Variants in AKTIP observed in about 807,000 individuals in gnomAD.
The protein encoded by AKTIP is AKT interacting protein.
Under a neutral mutation model 39.1 loss-of-function variants are expected in AKTIP, and 16 were observed. That is an observed-to-expected ratio of 0.41 (90% CI 0.28 to 0.62). The LOEUF (loss-of-function observed/expected upper bound fraction) is 0.62, where lower values mean the gene tolerates loss of function less well. AKTIP is among the 20% of genes least tolerant of loss of function. The probability of loss-of-function intolerance (pLI) is 0.32; values close to 1 mark genes in which losing one functional copy is unlikely to be tolerated. For missense variants in AKTIP, 262 were observed against 356.6 expected, an observed-to-expected ratio of 0.73 and a Z score of 2.14; for synonymous variants, 93 against 124.3, an observed-to-expected ratio of 0.75 and a Z score of 1.67.
In AKTIP at chr16:53,494,127, G is replaced by A. The variant is rs755412456; in HGVS notation, c.710+11C>T. The A allele has an allele frequency of 2.2e-5, 35 of 1,591,992 alleles. No homozygotes were observed. Among genetic ancestry groups the A allele is most frequent in the South Asian group, 1.8e-4 (16 of 90,662 alleles). ...ACAGTGGACAGTTCACTTGGGGGAT[G>A]CACCACTTACCTAATTGCATAGGGG... On this transcript the variant is annotated intron_variant, in intron 8 of 9. Coordinates refer to ENST00000394657, the MANE Select transcript of AKTIP (RefSeq NM_022476.4).
chr16:53,502,447 C>T (rs1440986840), intron 1 of AKTIP, among the ~76,000 whole-genome samples: 2 of 152,320 alleles, frequency 1.3e-5, no homozygotes, highest in Non-Finnish European at 2.9e-5. Context: ...AATGACAGTG[C>T]GTGGCAGAGC....
At chr16:53,497,843 G>A (rs763603930) in intron 3 of AKTIP, among the ~76,000 whole-genome samples, 31 of 152,172 alleles carry the variant, frequency 2.0e-4, no homozygotes, top group South Asian at 2.1e-4. Flanking sequence ...TCCACCTCCC[G>A]ACTTCAAGCA....
At position 53,502,474 on chromosome 16, in the gene AKTIP, CAT is replaced by C. The variant is rs1962226821; in HGVS notation, c.-71+671_-71+672del. Among the ~76,000 whole-genome samples, 3 of 152,200 alleles carry C rather than the reference CAT, an allele frequency of 2.0e-5. No individual in the cohort carries two copies. In the South Asian group the frequency reaches 6.2e-4, roughly 31 times the overall value. On this transcript the variant is annotated intron_variant, in intron 1 of 9. Coordinates refer to ENST00000394657, the MANE Select transcript of AKTIP (RefSeq NM_022476.4). The stretch of plus-strand genomic sequence containing the variant: ...TGGCAGAGCTAAAACTAGGCTAAAA[CAT>C]GAGTGCTGCTGTTACTCTACATGCC...
chr16:53,493,760 A>G (rs931470560), intron 8 of AKTIP: 3 of 213,768 alleles, frequency 1.4e-5, no homozygotes, highest in African/African-American at 6.9e-5. Flanking sequence ...CACCATTCTC[A>G]CACTATTCAG....
chr16:53,494,352 C>T lies in AKTIP; in HGVS notation c.589G>A (p.Glu197Lys), dbSNP rs1961693099. Residue 197 changes from glutamate to lysine, a missense_variant, in exon 7 of 10, where the codon GAG (glutamate) becomes AAG (lysine). Physicochemically the swap from Glu to Lys is moderately conservative, Grantham distance 56 (BLOSUM62 1). Around this residue, in one of 4 missense-constraint regions of AKTIP, gnomAD observed 145 missense variants for 159.3 expected, o/e 0.91. Coordinates refer to ENST00000394657, the MANE Select transcript of AKTIP (RefSeq NM_022476.4). ...KIDTASPLNP[E>K]AAVLYEKDIQ... Reference sequence around the variant, plus strand: ...AAAGTTACATACAGTACTGCAGCCTCTGGGTTCAGGGGGCTTGCTGTATCA... The same window carrying T: ...AAAGTTACATACAGTACTGCAGCCTTTGGGTTCAGGGGGCTTGCTGTATCA... 6.2e-7 allele frequency: 1 copy of T among 1,614,072 alleles called. No individual in the cohort carries two copies. The highest frequency in any genetic ancestry group is 1.3e-5 in the African/African-American group (1 of 74,934).
In AKTIP at chr16:53,492,497, T is replaced by C. The variant is rs1961547379; in HGVS notation, c.794A>G (p.Lys265Arg). 2 of 1,614,184 alleles carry C rather than the reference T, an allele frequency of 1.2e-6. No homozygotes were observed. The highest frequency in any genetic ancestry group is 1.1e-5 in the South Asian group (1 of 91,080). Reference sequence around the variant, plus strand: ...TGACAGGCCAGCAACATGAACACTTTTATTGTGCTGTTCTTCAGGCTTCTT... The same window carrying C: ...TGACAGGCCAGCAACATGAACACTTCTATTGTGCTGTTCTTCAGGCTTCTT... The part of the protein sequence containing the change: ...TQKKPEEQHN[K>R]SVHVAGLSWV... The change falls in exon 10 of 10, where the codon AAA (lysine) becomes AGA (arginine). Residue 265 changes from lysine (K) to arginine (R), a missense_variant. Lys to Arg is a conservative substitution (Grantham distance 26). This residue lies in a region of AKTIP where 145 missense variants were observed against 159.3 expected (regional missense o/e 0.91). Coordinates refer to ENST00000394657, the MANE Select transcript of AKTIP (RefSeq NM_022476.4).
rs1328166724 is a variant in AKTIP, at chr16:53,491,751, T to TATC, written c.*658_*660dup. On this transcript the variant is annotated 3_prime_UTR_variant, in exon 10 of 10. Transcript: ENST00000394657. ...GTCTCTACTAAACACATTAGTCATT[T>TATC]ATCATTTAAATACCGGACTTCATTA... The TATC allele has an allele frequency of 1.2e-4, 18 of 152,652 alleles. No individual in the cohort carries two copies. The highest frequency in any genetic ancestry group is 4.3e-4 in the African/African-American group (18 of 41,468). 9.5% of individuals were successfully genotyped at this position (152,652 alleles called of 1,614,324 possible).
rs1961582930 is a variant in AKTIP, at chr16:53,492,914, ACATAAC to A, written c.711-167_711-162del. ...TAGACATTATCTAATTAATTTTCTC[ACATAAC>A]TATCCCTCATACATGAATGATCTCA... is the stretch of plus-strand genomic sequence containing the variant. On this transcript the variant is annotated intron_variant, in intron 8 of 9. Transcript: ENST00000394657. 4 of 631,508 alleles carry A rather than the reference ACATAAC, an allele frequency of 6.3e-6. No homozygotes were observed. The African/African-American group carries it at 7.4e-5, about 12-fold the overall frequency. 39.1% of individuals were successfully genotyped at this position (631,508 alleles called of 1,614,324 possible). A position where few individuals can be genotyped will look rare whatever the true frequency, so the allele number is the denominator to read the frequency against.
intron 5 of AKTIP, 145 bp downstream of exon 5, chr16:53,494,928 T>C: frequency 1.2e-6 from 1 of 823,858 alleles, no homozygotes; most frequent in Non-Finnish European, 2.1e-6. Context: ...CGGAAGCTGC[T>C]GCAAAGCACA....
At chr16:53,499,239 C>T (rs371071129) in intron 2 of AKTIP, among the ~76,000 whole-genome samples, 3 of 152,346 alleles carry the variant, frequency 2.0e-5, no homozygotes, top group East Asian at 1.9e-4. Flanking sequence ...TACAACCAAA[C>T]GCTGTTTAAT....
intron 8 of AKTIP, 44 bp from the exon 9 acceptor site, chr16:53,492,797 T>G: frequency 5.1e-6 from 8 of 1,558,846 alleles, no homozygotes; most frequent in Non-Finnish European, 7.1e-6. Flanking sequence ...GTTGGCTCAC[T>G]AAATTTCTAT....
chr16:53,495,431 GCTGATGCCCAAAC>G, intron 3 of AKTIP, 105 bp from the exon 4 acceptor site: 3 of 1,039,256 alleles, frequency 2.9e-6, no homozygotes, highest in Non-Finnish European at 4.4e-6. Flanking sequence ...TCAATGGGCA[GCTGATGCCCAAAC>G]CCTGCAAGCC....
chr16:53,503,740 G>A (rs1323940843), upstream of AKTIP, among the ~76,000 whole-genome samples: 3 of 152,206 alleles, frequency 2.0e-5, no homozygotes, highest in Non-Finnish European at 4.4e-5. Context: ...CTACTGCGTT[G>A]GGCGGCGCTG....
chr16:53,496,886 G>A (rs1477515952), intron 3 of AKTIP, among the ~76,000 whole-genome samples: 1 of 152,138 alleles, frequency 6.6e-6, no homozygotes, highest in East Asian at 1.9e-4. Context: ...GCCTACACTT[G>A]TCTCACATTG....
At chr16:53,495,687 A>T (rs1961788925) in intron 3 of AKTIP, among the ~76,000 whole-genome samples, 2 of 152,378 alleles carry the variant, frequency 1.3e-5, no homozygotes, top group South Asian at 4.1e-4. Context: ...CGAATAATGC[A>T]ACCTGAGGTA....
chr16:53,492,350 G>T lies in AKTIP; in HGVS notation c.*62C>A. ...CTCTTCAGGCAGTCCTCTGCCATTG[G>T]TCAGCTTGAACTAGGCCAGAGTCTA... On this transcript the variant is annotated 3_prime_UTR_variant, in exon 10 of 10. Coordinates refer to ENST00000394657, the MANE Select transcript of AKTIP (RefSeq NM_022476.4). The T allele has an allele frequency of 1.4e-6, 2 of 1,429,294 alleles. No individual in the cohort carries two copies. The highest frequency in any genetic ancestry group is 2.0e-6 in the Non-Finnish European group (2 of 1,019,960). The allele number at this position is 1,429,294 out of a possible 1,614,324, so 88.5% of individuals were successfully genotyped here.
At chr16:53,498,104 C>T (rs2150863471) in intron 3 of AKTIP, among the ~76,000 whole-genome samples, 1 of 152,362 alleles carries the variant, frequency 6.6e-6, no homozygotes, top group Admixed American at 6.5e-5. Context: ...CTCTCCAAAA[C>T]AGACATGGAA....
chr16:53,497,919 T>C (rs990597313), intron 3 of AKTIP, among the ~76,000 whole-genome samples: 1 of 152,196 alleles, frequency 6.6e-6, no homozygotes, highest in Non-Finnish European at 1.5e-5. Context: ...TGGCTAATTT[T>C]TGTATTTTTA....
Position 53,494,521 on chromosome 16 carries a change from A to G in AKTIP, c.499T>C (p.Trp167Arg). Residue 167 changes from tryptophan to arginine, a missense_variant, in exon 6 of 10, where the codon TGG becomes CGG. By Grantham distance (101) the Trp-to-Arg change is moderately radical. Around this residue, in one of 4 missense-constraint regions of AKTIP, gnomAD observed 145 missense variants for 159.3 expected, o/e 0.91. Coordinates refer to ENST00000394657, the MANE Select transcript of AKTIP (RefSeq NM_022476.4). ...AGAAACACTTTATTTACTTACCTCC[A>G]TTTTGCAAATGCTCTCTTCACATCC... is the stretch of plus-strand genomic sequence containing the variant. ...ELDVKRAFAK[W>R]RRNHNHIWQV... is the part of the protein sequence containing the mutation. 1.2e-6 allele frequency: 2 copies of G among 1,614,070 alleles called. No homozygotes were observed. Among genetic ancestry groups the G allele is most frequent in the Non-Finnish European group, 1.7e-6 (2 of 1,179,990 alleles).
Sources: gnomAD v4.1 joint callset for allele counts (sites outside exome capture counted in the v4.1 genomes callset) on GRCh38, gnomAD v4.1.1 for gene constraint, gnomAD v4.1.1 regional missense constraint, MANE v1.5 for transcripts, NCBI Gene and HGNC (gene_info 2026-07-23, HGNC 2026-07-21) for gene names.